Variants in PKP4 observed in about 807,000 individuals in gnomAD.
The protein encoded by PKP4 is plakophilin 4.
A neutral mutation model predicts 145.1 loss-of-function variants in PKP4; 90 were observed. The observed-to-expected ratio is 0.62, with a 90% CI of 0.52 to 0.74. The LOEUF (loss-of-function observed/expected upper bound fraction) is 0.74. Among genes scored for constraint, PKP4 ranks in the 30% least tolerant of loss-of-function variants. The pLI is 0.00. For missense variants in PKP4, 1,340 were observed against 1,482.7 expected, an observed-to-expected ratio of 0.90 and a Z score of 1.58; for synonymous variants, 563 against 577.2, an observed-to-expected ratio of 0.98 and a Z score of 0.35.
At chr2:158,517,625 A>G (rs987923611) in intron 1 of PKP4, among the ~76,000 whole-genome samples, 3 of 152,184 alleles carry the variant, frequency 2.0e-5, no homozygotes, top group African/African-American at 7.2e-5. Flanking sequence ...AATCCTGGGT[A>G]GTAGCACATT....
At chr2:158,628,618 G>A (rs577064129) in intron 7 of PKP4, among the ~76,000 whole-genome samples, 7 of 152,188 alleles carry the variant, frequency 4.6e-5, no homozygotes, top group Admixed American at 1.3e-4. Flanking sequence ...ATCCTATAAC[G>A]AGTGAACATC....
intron 2 of PKP4, among the ~76,000 whole-genome samples, chr2:158,543,276 A>T (rs1428478837): frequency 6.6e-6 from 1 of 152,216 alleles, no homozygotes; most frequent in African/African-American, 2.4e-5. Context: ...AGGAATGCTC[A>T]ACAGGTATAT....
At position 158,602,157 on chromosome 2, in the gene PKP4, T is replaced by C. The variant is rs551641934; in HGVS notation, c.246-913T>C. Reference sequence around the variant, plus strand: ...TAGTCATATTGTCTATGTGTCTGTATGTGTTTAATGCAAAAATGGGATCAC... The same window carrying C: ...TAGTCATATTGTCTATGTGTCTGTACGTGTTTAATGCAAAAATGGGATCAC... On this transcript the variant is annotated intron_variant, in intron 3 of 21. Transcript: ENST00000389759. Among the ~76,000 whole-genome samples the C allele has an allele frequency of 4.6e-5, 7 of 152,346 alleles. No homozygotes were observed. In the East Asian group the frequency reaches 1.4e-3, roughly 29 times the overall value.
chr2:158,513,605 A>G (rs1156360622), intron 1 of PKP4, among the ~76,000 whole-genome samples: 1 of 152,062 alleles, frequency 6.6e-6, no homozygotes, highest in East Asian at 1.9e-4. Context: ...GGCTTTCCAG[A>G]CATTTCCCCA....
intron 1 of PKP4, among the ~76,000 whole-genome samples, chr2:158,490,350 TAAA>T (rs201525473): frequency 3.9e-5 from 5 of 126,912 alleles, no homozygotes; most frequent in Non-Finnish European, 6.6e-5. Context: ...CAAATTGATT[TAAA>T]AAAAAAAAAA....
chr2:158,555,433 AGT>A (rs1320992643), intron 2 of PKP4, among the ~76,000 whole-genome samples: 1 of 152,252 alleles, frequency 6.6e-6, no homozygotes, highest in Non-Finnish European at 1.5e-5. Flanking sequence ...TACAAATATA[AGT>A]GTAAATAATT....
intron 1 of PKP4, among the ~76,000 whole-genome samples, chr2:158,462,466 A>G (rs953437364): frequency 3.3e-5 from 5 of 152,116 alleles, no homozygotes; most frequent in Admixed American, 1.3e-4. Context: ...GCAACAAGGA[A>G]GTTGAATTTC....
intron 3 of PKP4, among the ~76,000 whole-genome samples, chr2:158,598,126 A>G (rs963316163): frequency 1.3e-5 from 2 of 152,152 alleles, no homozygotes; most frequent in African/African-American, 4.8e-5. Context: ...GTCAAGCCTG[A>G]TTTTTTTAAA....
At chr2:158,570,560 T>A (rs991579302) in intron 2 of PKP4, among the ~76,000 whole-genome samples, 2 of 152,250 alleles carry the variant, frequency 1.3e-5, no homozygotes, top group African/African-American at 4.8e-5. Flanking sequence ...CTTGCTTTCT[T>A]AACCAGTAAT....
chr2:158,528,038 G>A (rs971523707), intron 1 of PKP4, among the ~76,000 whole-genome samples: 1 of 39,718 alleles, frequency 2.5e-5, no homozygotes, highest in African/African-American at 7.0e-5. Context: ...CACTGTTGGT[G>A]GGACTGTAAA....
chr2:158,623,768 T>C (rs531321175), intron 6 of PKP4, among the ~76,000 whole-genome samples: 10 of 152,162 alleles, frequency 6.6e-5, no homozygotes, highest in Non-Finnish European at 1.2e-4. Context: ...TAAAAGTGGA[T>C]GTGGGTTGAT....
At chr2:158,584,166 G>T (rs1217849015) in intron 3 of PKP4, among the ~76,000 whole-genome samples, 3 of 152,240 alleles carry the variant, frequency 2.0e-5, no homozygotes, top group Admixed American at 2.0e-4. Flanking sequence ...CCAACCGAGG[G>T]TCTGTGGCCC....
intron 1 of PKP4, among the ~76,000 whole-genome samples, chr2:158,531,200 C>CCTTCT (rs1429732045): frequency 9.2e-5 from 14 of 152,116 alleles, no homozygotes; most frequent in African/African-American, 2.9e-4. Context: ...CAGTAAGGCT[C>CCTTCT]CTTCTATATT....
intron 3 of PKP4, among the ~76,000 whole-genome samples, chr2:158,591,157 C>G (rs1370874303): frequency 6.6e-6 from 1 of 151,950 alleles, no homozygotes; most frequent in Non-Finnish European, 1.5e-5. Flanking sequence ...GGAGGTAAAA[C>G]TATATATCAG....
At chr2:158,634,938 G>GA (rs2053681128) in intron 9 of PKP4, among the ~76,000 whole-genome samples, 1 of 152,054 alleles carries the variant, frequency 6.6e-6, no homozygotes, top group Non-Finnish European at 1.5e-5. Flanking sequence ...GATTGATTTT[G>GA]AAAAACTGAC....
At chr2:158,539,555 T>C (rs2044339923) in intron 2 of PKP4, among the ~76,000 whole-genome samples, 2 of 152,236 alleles carry the variant, frequency 1.3e-5, no homozygotes, top group East Asian at 1.9e-4. Flanking sequence ...GTAAGTACAA[T>C]GCCTGAAACT....
At position 158,680,410 on chromosome 2, in the gene PKP4, CT is replaced by C; in HGVS notation, c.3331-15del. 1.3e-6 allele frequency: 2 copies of C among 1,557,308 alleles called. No homozygotes were observed. The highest frequency in any genetic ancestry group is 1.7e-6 in the Non-Finnish European group (2 of 1,152,556). The stretch of plus-strand genomic sequence containing the variant: ...TAAAAAATTGCTTTTATTTATTTGC[CT>C]TTTCATTTTGTCAACAGCATCAACA... On this transcript the variant is annotated intron_variant, in intron 21 of 21. Coordinates refer to ENST00000389759, the MANE Select transcript of PKP4 (RefSeq NM_003628.6).
At chr2:158,548,400 A>C (rs1466943522) in intron 2 of PKP4, 1 of 148,218 alleles carries the variant, frequency 6.7e-6, no homozygotes, top group African/African-American at 2.4e-5. Flanking sequence ...ATAAATGTTA[A>C]GTTTCACTCC....
intron 21 of PKP4, 130 bp downstream of exon 21, chr2:158,678,784 T>C: frequency 1.4e-6 from 1 of 712,750 alleles, no homozygotes; most frequent in Non-Finnish European, 2.6e-6. Flanking sequence ...GGATCTTCAC[T>C]CCTTGGAAAC....
Sources: allele counts gnomAD v4.1 joint callset (sites outside exome capture counted in the v4.1 genomes callset), GRCh38; gene constraint gnomAD v4.1.1; transcripts MANE v1.5; gene names NCBI Gene and HGNC (gene_info 2026-07-23, HGNC 2026-07-21).